The following STAG1 variants were observed in gnomAD, a reference collection of about 807,000 sequenced individuals.
The protein encoded by STAG1 is cohesin subunit SA-1.
In STAG1, 26 loss-of-function variants were observed where a neutral mutation model predicts 170.9. The ratio of observed to expected loss-of-function variants is 0.15; its 90% confidence interval spans 0.11 to 0.21. STAG1 has a LOEUF of 0.21. Ranked by LOEUF, STAG1 falls within the 10% of genes least tolerant of loss-of-function variation. The pLI is 1.00. For synonymous variants in STAG1, 514 were observed against 497.7 expected (o/e 1.03, Z -0.44); for missense variants, 964 against 1,509.5 (o/e 0.64, Z 5.99).
At chr3:136,657,622 G>A (rs1293461424) in intron 1 of STAG1, among the ~76,000 whole-genome samples, 2 of 152,282 alleles carry the variant, frequency 1.3e-5, no homozygotes, top group African/African-American at 2.4e-5. Flanking sequence ...AGGAGCTCGA[G>A]ACCAGCCTGG....
chr3:136,486,644 T>C (rs2090018694), intron 9 of STAG1, among the ~76,000 whole-genome samples: 1 of 152,158 alleles, frequency 6.6e-6, no homozygotes. Flanking sequence ...ACAAAGTCAA[T>C]AGGTACAGCA....
intron 1 of STAG1, among the ~76,000 whole-genome samples, chr3:136,633,211 C>T (rs540035202): frequency 1.3e-5 from 2 of 151,474 alleles, no homozygotes; most frequent in South Asian, 4.2e-4. Flanking sequence ...ACCCCCACCC[C>T]GGCCCCAAAA....
At chr3:136,377,523 T>C (rs919913544) in intron 23 of STAG1, 137 bp downstream of exon 23, 2 of 624,542 alleles carry the variant, frequency 3.2e-6, no homozygotes, top group African/African-American at 3.7e-5. Context: ...TTCACACATC[T>C]ACAGTCTTGT....
chr3:136,540,533 T>A lies in STAG1; in HGVS notation c.471+1586A>T, dbSNP rs1935839548. 3.3e-5 allele frequency among the ~76,000 whole-genome samples: 5 copies of A among 152,050 alleles called. No homozygotes were observed. The South Asian group carries it at 1.0e-3, about 32-fold the overall frequency. On this transcript the variant is annotated intron_variant, in intron 6 of 33. Coordinates refer to ENST00000383202, the MANE Select transcript of STAG1 (RefSeq NM_005862.3). The stretch of plus-strand genomic sequence containing the variant: ...AATATTTACAGGAGTATTTTAAGTA[T>A]ATATTTGGCCAGGCATGGTGGCTCA...
chr3:136,517,883 T>G (rs1055817583), intron 7 of STAG1, among the ~76,000 whole-genome samples: 4 of 152,004 alleles, frequency 2.6e-5, no homozygotes, highest in Admixed American at 1.3e-4. Flanking sequence ...GACAGTATGT[T>G]TGAAAATTCC....
At chr3:136,664,856 G>A (rs1375995215) in intron 1 of STAG1, among the ~76,000 whole-genome samples, 2 of 152,118 alleles carry the variant, frequency 1.3e-5, no homozygotes, top group Non-Finnish European at 2.9e-5. Flanking sequence ...ATATGGATGG[G>A]CAACCAAGAA....
At chr3:136,745,631 C>G (rs1934897818) in intron 1 of STAG1, among the ~76,000 whole-genome samples, 1 of 152,172 alleles carries the variant, frequency 6.6e-6, no homozygotes, top group South Asian at 2.1e-4. Context: ...GGTGATAAAG[C>G]TAGCTCACCT....
At chr3:136,376,093 A>G (rs1238832419) in intron 23 of STAG1, among the ~76,000 whole-genome samples, 2 of 150,558 alleles carry the variant, frequency 1.3e-5, no homozygotes, top group Non-Finnish European at 3.0e-5. Context: ...CTCCATAAGT[A>G]GTGTTCTGAA....
chr3:136,398,273 A>G (rs1434518935), intron 22 of STAG1, among the ~76,000 whole-genome samples: 1 of 152,150 alleles, frequency 6.6e-6, no homozygotes, highest in East Asian at 1.9e-4. Flanking sequence ...GTGCATCACC[A>G]TGCCCAGCTA....
At chr3:136,464,820 C>T (rs1476932640) in intron 13 of STAG1, 61 bp downstream of exon 13, 4 of 1,423,856 alleles carry the variant, frequency 2.8e-6, no homozygotes, top group Non-Finnish European at 3.9e-6. Flanking sequence ...TCTACAAACT[C>T]TAAAACAACA....
At chr3:136,431,272 A>C (rs1319047148) in intron 16 of STAG1, among the ~76,000 whole-genome samples, 1 of 151,188 alleles carries the variant, frequency 6.6e-6, no homozygotes, top group East Asian at 2.0e-4. Context: ...TATGGCTTGA[A>C]GGACTTTTCT....
At chr3:136,410,674 A>G (rs1349504661) in intron 21 of STAG1, among the ~76,000 whole-genome samples, 2 of 152,208 alleles carry the variant, frequency 1.3e-5, no homozygotes, top group African/African-American at 4.8e-5. Context: ...AAAGACTTAA[A>G]TGTAAAAGAC....
intron 3 of STAG1, among the ~76,000 whole-genome samples, chr3:136,619,205 C>T (rs911909394): frequency 1.3e-5 from 2 of 150,034 alleles, no homozygotes; most frequent in African/African-American, 4.9e-5. Context: ...TTTTAAACAC[C>T]AAAGGGCAGG....
chr3:136,454,262 T>C (rs997810647), intron 13 of STAG1, among the ~76,000 whole-genome samples: 1 of 152,054 alleles, frequency 6.6e-6, no homozygotes, highest in Non-Finnish European at 1.5e-5. Flanking sequence ...TATTTTCTAG[T>C]AGAGACAGGG....
chr3:136,352,914 C>A (rs1936490768), intron 28 of STAG1, among the ~76,000 whole-genome samples: 3 of 152,028 alleles, frequency 2.0e-5, no homozygotes, highest in African/African-American at 4.8e-5. Flanking sequence ...TTAGATGTAA[C>A]CCCATCTTAA....
intron 6 of STAG1, among the ~76,000 whole-genome samples, chr3:136,539,756 G>A (rs1935801177): frequency 6.6e-6 from 1 of 152,140 alleles, no homozygotes; most frequent in African/African-American, 2.4e-5. Flanking sequence ...GCACTGCTAT[G>A]TGCAGGTTTA....
Position 136,336,476 on chromosome 3 carries a change from C to CAAGA in STAG1, c.*1774_*1777dup, listed in dbSNP as rs1402285644. ...ATTCTGTCAGCATCTGTTTTCCATA[C>CAAGA]AAGACTGTCACGCAAAGGATCAATT... On this transcript the variant is annotated 3_prime_UTR_variant, in exon 34 of 34. Transcript: ENST00000383202. The CAAGA allele has an allele frequency of 3.3e-5, 5 of 152,212 alleles. No individual in the cohort carries two copies. The highest frequency in any genetic ancestry group is 1.2e-4 in the African/African-American group (5 of 41,442). 9.4% of individuals were successfully genotyped at this position (152,212 alleles called of 1,614,324 possible).
chr3:136,689,084 C>T lies in STAG1; in HGVS notation c.-83-58103G>A, dbSNP rs2107895134. 2.0e-5 allele frequency among the ~76,000 whole-genome samples: 3 copies of T among 152,278 alleles called. No homozygotes were observed. In the South Asian group the frequency reaches 6.2e-4, roughly 32 times the overall value. On this transcript the variant is annotated intron_variant, in intron 1 of 33. Transcript: ENST00000383202. ...TTATGGTGTTCTTTATAGAACTTTACAAAACACTATGAACTTCAAGGGGAG... is the reference window on the plus strand; with the variant it reads ...TTATGGTGTTCTTTATAGAACTTTATAAAACACTATGAACTTCAAGGGGAG...
At chr3:136,642,631 T>C (rs1387211552) in intron 1 of STAG1, among the ~76,000 whole-genome samples, 1 of 152,244 alleles carries the variant, frequency 6.6e-6, no homozygotes, top group Non-Finnish European at 1.5e-5. Context: ...TAATTTTGTA[T>C]GGGAATAATT....
Sources: gnomAD v4.1 joint callset for allele counts (sites outside exome capture counted in the v4.1 genomes callset) on GRCh38, gnomAD v4.1.1 for gene constraint, MANE v1.5 for transcripts, NCBI Gene and HGNC (gene_info 2026-07-23, HGNC 2026-07-21) for gene names.